The following PLCG1 variants were observed in gnomAD, a reference collection of about 807,000 sequenced individuals.
PLCG1 encodes the protein 1-phosphatidylinositol 4,5-bisphosphate phosphodiesterase gamma-1.
Under a neutral mutation model 177.8 loss-of-function variants are expected in PLCG1, and 71 were observed. The observed-to-expected ratio is 0.40, with a 90% CI of 0.33 to 0.49. PLCG1 has a LOEUF of 0.49. PLCG1 is among the 20% of genes least tolerant of loss of function. The pLI, the probability that PLCG1 is intolerant of heterozygous loss-of-function variation, is 0.72. For synonymous variants in PLCG1, 658 were observed against 647.9 expected (o/e 1.02, Z -0.24); for missense variants, 1,281 against 1,709.0 (o/e 0.75, Z 4.42).
Position 41,165,443 on chromosome 20 carries a change from G to A in PLCG1, c.1510-7G>A. The A allele has an allele frequency of 1.2e-6, 2 of 1,614,022 alleles. No individual in the cohort carries two copies. The highest frequency in any genetic ancestry group is 1.7e-6 in the Non-Finnish European group (2 of 1,179,918). On this transcript the variant is annotated splice_region_variant and splice_polypyrimidine_tract_variant and intron_variant, in intron 14 of 31. Transcript: ENST00000685551. The surrounding 1 kb of genome is among the most constrained non-coding windows in gnomAD (Gnocchi z 6.6). The stretch of plus-strand genomic sequence containing the variant: ...TGGCTCACAAGTCCCTCTTTGGTCT[G>A]TTCCAGGAATGGTATCCCCACTACT...
chr20:41,163,424 G>C lies in PLCG1; in HGVS notation c.836G>C (p.Ser279Thr), dbSNP rs1267562986. The C allele has an allele frequency of 2.5e-6, 4 of 1,613,112 alleles. No homozygotes were observed. The highest frequency in any genetic ancestry group is 3.4e-6 in the Non-Finnish European group (4 of 1,179,696). Residue 279 changes from serine to threonine, a missense_variant, in exon 9 of 32, where the codon AGC becomes ACC. This residue lies in a region of PLCG1 where 374 missense variants were observed against 443.8 expected (regional missense o/e 0.84). Coordinates refer to ENST00000685551, the MANE Select transcript of PLCG1 (RefSeq NM_002660.3). This position sits in a 1 kb window ranked among gnomAD's most constrained non-coding sequence, Gnocchi z 5.2. ...CTCCAGGTGCAGGAGTTCATGCTCA[G>C]CTTCCTCCGAGACCCCTTACGAGAG... The part of the protein sequence containing the change: ...DRLQVQEFML[S>T]FLRDPLREIE...
chr20:41,159,514 G>C lies in PLCG1; in HGVS notation c.218-92G>C. ...GCCTCTGGGGTTCCTCCCTGAGAGA[G>C]AGTGTAAGAATGAGGAAACCAGGCT... is the stretch of plus-strand genomic sequence containing the variant. On this transcript the variant is annotated intron_variant, in intron 1 of 31. Transcript: ENST00000685551. The surrounding 1 kb of genome is among the most constrained non-coding windows in gnomAD (Gnocchi z 6.0). 7.6e-7 allele frequency: 1 copy of C among 1,313,412 alleles called. No homozygotes were observed. Among genetic ancestry groups the C allele is most frequent in the Non-Finnish European group, 1.1e-6 (1 of 939,914 alleles). The allele number at this position is 1,313,412 out of a possible 1,614,324, so 81.4% of individuals were successfully genotyped here.
chr20:41,165,640 T>G lies in PLCG1; in HGVS notation c.1613T>G (p.Val538Gly). Reference protein sequence around the residue: ...GNEDEEEPKEVSSSTELHSNE... With the variant: ...GNEDEEEPKEGSSSTELHSNE... ...TTTGCTGTTGCCTTCCCCTGACAGG[T>G]CAGCAGCAGCACAGAGCTGCACTCC... Residue 538 changes from valine to glycine, a missense_variant and splice_region_variant, in exon 16 of 32, where the codon GTC (valine) becomes GGC (glycine). By Grantham distance (109) the Val-to-Gly change is moderately radical. Around this residue, in one of 4 missense-constraint regions of PLCG1, gnomAD observed 723 missense variants for 1,030.0 expected, o/e 0.70. Transcript: ENST00000685551. The surrounding 1 kb of genome is among the most constrained non-coding windows in gnomAD (Gnocchi z 6.6). The G allele has an allele frequency of 2.5e-6, 4 of 1,612,854 alleles. No homozygotes were observed. Among genetic ancestry groups the G allele is most frequent in the Non-Finnish European group, 3.4e-6 (4 of 1,179,036 alleles).
chr20:41,151,581 G>C lies in PLCG1; in HGVS notation c.218-8025G>C, dbSNP rs2035168031. The stretch of plus-strand genomic sequence containing the variant: ...TTTGACCTTCCTTTGGTGGCAGCCA[G>C]ATGTGCTCAGGGAAACCTCAGATTT... On this transcript the variant is annotated intron_variant, in intron 1 of 31. Transcript: ENST00000685551. This position sits in a 1 kb window ranked among gnomAD's most constrained non-coding sequence, Gnocchi z 5.5. Among the ~76,000 whole-genome samples the C allele has an allele frequency of 6.6e-6, 1 of 152,190 alleles. No individual in the cohort carries two copies. The highest frequency in any genetic ancestry group is 1.5e-5 in the Non-Finnish European group (1 of 68,036).
Position 41,168,111 on chromosome 20 carries a change from C to G in PLCG1, c.2379+182C>G, listed in dbSNP as rs560143571. On this transcript the variant is annotated intron_variant, in intron 20 of 31. Transcript: ENST00000685551. ...CGACCGCAGGTCTCCCAGGGCCGAC[C>G]CACTCCCTAGCCCCTACCCCTTAAG... is the stretch of plus-strand genomic sequence containing the variant. Among the ~76,000 whole-genome samples the G allele has an allele frequency of 7.2e-5, 11 of 152,224 alleles. No individual in the cohort carries two copies. In the East Asian group the frequency reaches 1.9e-3, roughly 27 times the overall value.
rs35463678 is a variant in PLCG1 at position 41,176,697 on chromosome 20, T to TTTGA, written c.*2192_*2195dup. 0.072 allele frequency: 11,021 copies of TTTGA among 152,282 alleles called. 438 individuals are homozygous for TTTGA. The highest frequency in any genetic ancestry group is 0.17 in the Middle Eastern group (50 of 294). 9.4% of individuals were successfully genotyped at this position (152,282 alleles called of 1,614,324 possible). ...ATTGCCTTTGCCTCACTGCAAATGT[T>TTTGA]TTGATTGTTCTTCCTAGTGGAAAAC... On this transcript the variant is annotated 3_prime_UTR_variant, in exon 32 of 32. Transcript: ENST00000685551.
chr20:41,142,568 G>T (rs556968213), intron 1 of PLCG1, among the ~76,000 whole-genome samples: 1 of 152,272 alleles, frequency 6.6e-6, no homozygotes, highest in South Asian at 2.1e-4. Flanking sequence ...GGATGCCATG[G>T]TGGTAGATGG....
rs763467776 is a variant in PLCG1, at chr20:41,170,214, A to T, written c.2753A>T (p.Glu918Val). 3.1e-6 allele frequency: 5 copies of T among 1,613,880 alleles called. No homozygotes were observed. In the African/African-American group the frequency reaches 6.7e-5, roughly 22 times the overall value. The stretch of plus-strand genomic sequence containing the variant: ...GATGTTGCTGCCGACTCACAGGAGG[A>T]GCTGCAGGACTGGGTGAAAAAGATC... ...SLDVAADSQE[E>V]LQDWVKKIRE... The change falls in exon 24 of 32, where the codon GAG becomes GTG. Residue 918 changes from glutamate (E) to valine (V), a missense_variant. Physicochemically the swap from Glu to Val is moderately radical, Grantham distance 121. Coordinates refer to ENST00000685551, the MANE Select transcript of PLCG1 (RefSeq NM_002660.3).
chr20:41,152,862 G>A (rs2035208477), intron 1 of PLCG1, among the ~76,000 whole-genome samples: 1 of 152,254 alleles, frequency 6.6e-6, no homozygotes, highest in African/African-American at 2.4e-5. Flanking sequence ...GGCCTGGTGG[G>A]GGCTTAAGTG....
rs773588801 is a variant in PLCG1 at position 41,166,241 on chromosome 20, C to A, written c.1847C>A (p.Ala616Asp). Reference protein sequence around the residue: ...QHCRIHSRQDAGTPKFFLTDN... With the variant: ...QHCRIHSRQDDGTPKFFLTDN... ...TGCCGTATCCACTCCCGGCAAGATGCTGGGACCCCCAAGTTCTTCTTGACA... is the reference window on the plus strand; with the variant it reads ...TGCCGTATCCACTCCCGGCAAGATGATGGGACCCCCAAGTTCTTCTTGACA... Residue 616 changes from alanine to aspartate, a missense_variant, in exon 17 of 32, where the codon GCT becomes GAT. Physicochemically the swap from Ala to Asp is moderately radical, Grantham distance 126. Around this residue, in one of 4 missense-constraint regions of PLCG1, gnomAD observed 723 missense variants for 1,030.0 expected, o/e 0.70. Coordinates refer to ENST00000685551, the MANE Select transcript of PLCG1 (RefSeq NM_002660.3). This position sits in a 1 kb window ranked among gnomAD's most constrained non-coding sequence, Gnocchi z 8.6. 8 of 1,614,110 alleles carry A rather than the reference C, an allele frequency of 5.0e-6. No homozygotes were observed. Among genetic ancestry groups the A allele is most frequent in the Middle Eastern group, 1.6e-4 (1 of 6,062 alleles).
chr20:41,148,824 C>T lies in PLCG1; in HGVS notation c.218-10782C>T, dbSNP rs1302705123. On this transcript the variant is annotated intron_variant, in intron 1 of 31. Coordinates refer to ENST00000685551, the MANE Select transcript of PLCG1 (RefSeq NM_002660.3). This position sits in a 1 kb window ranked among gnomAD's most constrained non-coding sequence, Gnocchi z 4.3. ...CTGTGCTGGCCCTGCTTGGCCACTT[C>T]CAACAAGGATTCTGAGGCATTACAG... Among the ~76,000 whole-genome samples the T allele has an allele frequency of 6.6e-6, 1 of 152,194 alleles. No homozygotes were observed. The highest frequency in any genetic ancestry group is 1.5e-5 in the Non-Finnish European group (1 of 68,020).
chr20:41,171,691 T>C (rs915997793), intron 24 of PLCG1, among the ~76,000 whole-genome samples: 4 of 151,646 alleles, frequency 2.6e-5, no homozygotes, highest in African/African-American at 9.7e-5. Context: ...CATGGAGATT[T>C]GCCATGAAGA....
Position 41,162,235 on chromosome 20 carries a change from G to GTTTTTTTTTTTTTT in PLCG1, c.513-210_513-197dup, listed in dbSNP as rs11426520. On this transcript the variant is annotated intron_variant, in intron 4 of 31. Transcript: ENST00000685551. ...GGTTTTTTTTGTTTGTTTTGTTTTTGTTTTTTTTTTTTTTTTTTTTGCTCA... is the reference window on the plus strand; with the variant it reads ...GGTTTTTTTTGTTTGTTTTGTTTTTGTTTTTTTTTTTTTTTTTTTTTTTTTTTTTTTTTTGCTCA... The GTTTTTTTTTTTTTT allele has an allele frequency of 2.1e-4, 30 of 143,632 alleles. 1 individual carries two copies. Among genetic ancestry groups the GTTTTTTTTTTTTTT allele is most frequent in the East Asian group, 8.3e-4 (4 of 4,810 alleles). 8.9% of individuals were successfully genotyped at this position (143,632 alleles called of 1,614,324 possible). A position where few individuals can be genotyped will look rare whatever the true frequency, so the allele number is the denominator to read the frequency against.
In PLCG1 at chr20:41,168,794, A is replaced by G. The variant is rs2035790566; in HGVS notation, c.2407A>G (p.Lys803Glu). The change falls in exon 21 of 32, where the codon AAG (lysine) becomes GAG (glutamate). Residue 803 changes from lysine to glutamate, a missense_variant. This residue lies in a region of PLCG1 where 723 missense variants were observed against 1,030.0 expected (regional missense o/e 0.70). Transcript: ENST00000685551. Reference sequence around the variant, plus strand: ...TGCAGTCAAAGCCCTCTTTGACTACAAGGCCCAGAGGGAGGACGAGCTGAC... The same window carrying G: ...TGCAGTCAAAGCCCTCTTTGACTACGAGGCCCAGAGGGAGGACGAGCTGAC... ...KCAVKALFDY[K>E]AQREDELTFI... 6.2e-7 allele frequency: 1 copy of G among 1,612,188 alleles called. No homozygotes were observed. The highest frequency in any genetic ancestry group is 2.2e-5 in the East Asian group (1 of 44,876).
At position 41,163,077 on chromosome 20, in the gene PLCG1, G is replaced by A; in HGVS notation, c.716+85G>A. ...CGATTCTTGATCCAGGTGGGAGGCA[G>A]TGGGAGTAGGGAACCATGCTGGACC... On this transcript the variant is annotated intron_variant, in intron 7 of 31. Transcript: ENST00000685551. This position sits in a 1 kb window ranked among gnomAD's most constrained non-coding sequence, Gnocchi z 5.2. 3 of 1,525,426 alleles carry A rather than the reference G, an allele frequency of 2.0e-6. No individual in the cohort carries two copies. The highest frequency in any genetic ancestry group is 2.7e-6 in the Non-Finnish European group (3 of 1,099,312). The allele number at this position is 1,525,426 out of a possible 1,614,324, so 94.5% of individuals were successfully genotyped here. A position where few individuals can be genotyped will look rare whatever the true frequency, so the allele number is the denominator to read the frequency against.
Position 41,159,963 on chromosome 20 carries a change from G to A in PLCG1, c.464G>A (p.Arg155Lys), listed in dbSNP as rs1201636053. 2 of 1,613,072 alleles carry A rather than the reference G, an allele frequency of 1.2e-6. No individual in the cohort carries two copies. The highest frequency in any genetic ancestry group is 1.7e-6 in the Non-Finnish European group (2 of 1,179,028). Residue 155 changes from arginine to lysine, a missense_variant and splice_region_variant, in exon 3 of 32, where the codon AGG (arginine) becomes AAG (lysine). By Grantham distance (26) the Arg-to-Lys change is conservative. Transcript: ENST00000685551. The surrounding 1 kb of genome is among the most constrained non-coding windows in gnomAD (Gnocchi z 6.0). ...LQAPTPLQIE[R>K]WLRKQFYSVD... Reference sequence around the variant, plus strand: ...GCACCCACACCCCTGCAGATTGAGAGGTAAGAACCACTCCTGAAGGGGTTA... The same window carrying A: ...GCACCCACACCCCTGCAGATTGAGAAGTAAGAACCACTCCTGAAGGGGTTA...
chr20:41,166,668 T>G lies in PLCG1; in HGVS notation c.2121-11T>G. ...GCCCTGACCCTGTGTGACTGTTTTGTCCTTGTGAAGGGCTGAGGGCAAGAT... is the reference window on the plus strand; with the variant it reads ...GCCCTGACCCTGTGTGACTGTTTTGGCCTTGTGAAGGGCTGAGGGCAAGAT... On this transcript the variant is annotated splice_polypyrimidine_tract_variant and intron_variant, in intron 18 of 31. Transcript: ENST00000685551. This position sits in a 1 kb window ranked among gnomAD's most constrained non-coding sequence, Gnocchi z 8.6. 6.2e-7 allele frequency: 1 copy of G among 1,614,120 alleles called. No homozygotes were observed. The highest frequency in any genetic ancestry group is 8.5e-7 in the Non-Finnish European group (1 of 1,180,018).
rs1378673895 is a variant in PLCG1, at chr20:41,167,812, C to T, written c.2302-40C>T. Reference sequence around the variant, plus strand: ...CCAGTAGCTGCTTTCTACCTCTGGGCTCTGGGGCATTAACATATCCCATTG... The same window carrying T: ...CCAGTAGCTGCTTTCTACCTCTGGGTTCTGGGGCATTAACATATCCCATTG... On this transcript the variant is annotated intron_variant, in intron 19 of 31. Transcript: ENST00000685551. The surrounding 1 kb of genome is among the most constrained non-coding windows in gnomAD (Gnocchi z 4.4). 7.0e-7 allele frequency: 1 copy of T among 1,422,814 alleles called. No individual in the cohort carries two copies. The highest frequency in any genetic ancestry group is 1.2e-5 in the South Asian group (1 of 86,772). The allele number at this position is 1,422,814 out of a possible 1,614,324, so 88.1% of individuals were successfully genotyped here. A position where few individuals can be genotyped will look rare whatever the true frequency, so the allele number is the denominator to read the frequency against.
chr20:41,158,325 C>T (rs1568738735), intron 1 of PLCG1, among the ~76,000 whole-genome samples: 1 of 152,150 alleles, frequency 6.6e-6, no homozygotes, highest in Non-Finnish European at 1.5e-5. Flanking sequence ...CCGAAGTTAC[C>T]AGGCCAGTCT....
Sources: allele counts gnomAD v4.1 joint callset (sites outside exome capture counted in the v4.1 genomes callset), GRCh38; gene constraint gnomAD v4.1.1; regional missense constraint gnomAD v4.1.1; non-coding constraint Gnocchi (gnomAD v3.1); transcripts MANE v1.5; gene names NCBI Gene and HGNC (gene_info 2026-07-23, HGNC 2026-07-21).